Variants in MPO observed in about 807,000 individuals in gnomAD.
MPO encodes myeloperoxidase.
Under a neutral mutation model 69.4 loss-of-function variants are expected in MPO, and 57 were observed. That is an observed-to-expected ratio of 0.82 (90% confidence interval 0.66 to 1.02). The LOEUF is 1.02. Ranked by LOEUF, MPO falls within the 50% of genes least tolerant of loss-of-function variation. The pLI, the probability that MPO is intolerant of heterozygous loss-of-function variation, is 0.00. For missense variants in MPO, 971 were observed against 1,014.1 expected, an observed-to-expected ratio of 0.96 and a Z score of 0.58; for synonymous variants, 426 against 417.1, an observed-to-expected ratio of 1.02 and a Z score of -0.26.
rs142034772 is a variant in MPO at position 58,273,468 on chromosome 17, G to A, written c.1567C>T (p.Pro523Ser). The change falls in exon 9 of 12, where the codon CCC becomes TCC. Residue 523 changes from proline to serine, a missense_variant. Physicochemically the swap from Pro to Ser is moderately conservative, Grantham distance 74. Coordinates refer to ENST00000225275, the MANE Select transcript of MPO (RefSeq NM_000250.2). ...AAGACCCTGCTGAGGGGGACACGGG[G>A]GTTGGGTTCCATGGGCTGGTACCGA... ...DNRYQPMEPNPRVPLSRVFFA... is the reference protein window; with the variant it reads ...DNRYQPMEPNSRVPLSRVFFA... 8.7e-5 allele frequency: 140 copies of A among 1,610,680 alleles called. No homozygotes were observed. The African/African-American group carries it at 1.7e-3, about 19-fold the overall frequency.
In MPO at chr17:58,271,861, G is replaced by C. The variant is rs569034063; in HGVS notation, c.1824C>G (p.Leu608=). The change falls in exon 11 of 12, where the codon CTC becomes CTG. Residue 608 remains leucine (L), a synonymous_variant. Coordinates refer to ENST00000225275, the MANE Select transcript of MPO (RefSeq NM_000250.2). ...GCTGGCCCACAGTTTCAGGCTGCGG[G>C]AGCCCACAGAAGCGCCTCCAGGCAT... ...GYNAWRRFCG[L]PQPETVGQLG... is the part of the protein sequence containing the mutation. 1 of 1,614,144 alleles carries C rather than the reference G, an allele frequency of 6.2e-7. No homozygotes were observed. The highest frequency in any genetic ancestry group is 8.5e-7 in the Non-Finnish European group (1 of 1,180,034).
Position 58,279,903 on chromosome 17 carries a change from G to C in MPO, c.360C>G (p.His120Gln), listed in dbSNP as rs1202339416. 1 of 1,614,112 alleles carries C rather than the reference G, an allele frequency of 6.2e-7. No homozygotes were observed. Among genetic ancestry groups the C allele is most frequent in the African/African-American group, 1.3e-5 (1 of 75,054 alleles). The stretch of plus-strand genomic sequence containing the variant: ...TCCTCTCCAGCAGGTCTAGAGCCAC[G>C]TGCAGGTAGTCAGCGGCCCTCACCG... ...RTAVRAADYL[H>Q]VALDLLERKL... Residue 120 changes from histidine to glutamine, a missense_variant, in exon 3 of 12, where the codon CAC becomes CAG. Physicochemically the swap from His to Gln is conservative, Grantham distance 24 (BLOSUM62 0). Transcript: ENST00000225275.
chr17:58,274,070 C>A, intron 8 of MPO: 1 of 436,814 alleles, frequency 2.3e-6, no homozygotes, highest in Non-Finnish European at 4.6e-6. Flanking sequence ...TCCTTGAGAG[C>A]AAGGGAAATT....
chr17:58,272,445 C>T (rs911411149), intron 10 of MPO, among the ~76,000 whole-genome samples: 1 of 152,158 alleles, frequency 6.6e-6, no homozygotes, highest in Admixed American at 6.5e-5. Context: ...CCAGAGTTAA[C>T]GTACAATGAA....
At chr17:58,280,294 C>T (rs1475645267) in intron 2 of MPO, 72 bp downstream of exon 2, 51 of 1,503,928 alleles carry the variant, frequency 3.4e-5, no homozygotes, top group Non-Finnish European at 3.9e-5. Context: ...CTTCAAGCTC[C>T]CTGCTGCCTG....
At chr17:58,279,674 C>T (rs1970488274) in intron 3 of MPO, 28 bp from the exon 4 acceptor site, 1 of 1,614,002 alleles carries the variant, frequency 6.2e-7, no homozygotes, top group Non-Finnish European at 8.5e-7. Context: ...AATGGGGGAG[C>T]TGAGCCGCCT....
chr17:58,276,856 C>A (rs1970444762), intron 7 of MPO, among the ~76,000 whole-genome samples: 1 of 152,098 alleles, frequency 6.6e-6, no homozygotes, highest in Admixed American at 6.5e-5. Flanking sequence ...CACCTGTAAT[C>A]CCAGCACTTT....
In MPO at chr17:58,279,882, C is replaced by G. The variant is rs369052644; in HGVS notation, c.381G>C (p.Glu127Asp). The change falls in exon 3 of 12, where the codon GAG becomes GAC. Residue 127 changes from glutamate to aspartate, a missense_variant. Physicochemically the swap from Glu to Asp is conservative, Grantham distance 45. Transcript: ENST00000225275. ...DYLHVALDLL[E>D]RKLRSLWRRP... ...TTCGCCACAGGGACCGCAGCTTCCT[C>G]TCCAGCAGGTCTAGAGCCACGTGCA... 142 of 1,613,996 alleles carry G rather than the reference C, an allele frequency of 8.8e-5. No homozygotes were observed. The highest frequency in any genetic ancestry group is 1.2e-4 in the Non-Finnish European group (139 of 1,180,046).
intron 7 of MPO, among the ~76,000 whole-genome samples, chr17:58,277,281 G>A (rs1255178083): frequency 6.6e-6 from 1 of 152,206 alleles, no homozygotes; most frequent in Non-Finnish European, 1.5e-5. Context: ...AACCTTCCGA[G>A]ATGATGAAAA....
In MPO at chr17:58,279,291, G is replaced by T; in HGVS notation, c.678+6C>A. 1 of 1,563,356 alleles carries T rather than the reference G, an allele frequency of 6.4e-7. No homozygotes were observed. Among genetic ancestry groups the T allele is most frequent in the South Asian group, 1.2e-5 (1 of 85,978 alleles). On this transcript the variant is annotated splice_donor_region_variant and intron_variant, in intron 5 of 11. Transcript: ENST00000225275. ...GGCCTCGCCCCCTCTGCCCGCCGGC[G>T]CTCACCAGAGCCACCGGGAAGCCGT... is the stretch of plus-strand genomic sequence containing the variant.
In MPO at chr17:58,279,284, C is replaced by A; in HGVS notation, c.678+13G>T. The A allele has an allele frequency of 6.4e-7, 1 of 1,562,584 alleles. No homozygotes were observed. Among genetic ancestry groups the A allele is most frequent in the South Asian group, 1.2e-5 (1 of 85,850 alleles). ...GTGGCCGGGCCTCGCCCCCTCTGCCCGCCGGCGCTCACCAGAGCCACCGGG... is the reference window on the plus strand; with the variant it reads ...GTGGCCGGGCCTCGCCCCCTCTGCCAGCCGGCGCTCACCAGAGCCACCGGG... On this transcript the variant is annotated intron_variant, in intron 5 of 11. Transcript: ENST00000225275.
At position 58,277,858 on chromosome 17, in the gene MPO, G is replaced by C; in HGVS notation, c.1173C>G (p.Asn391Lys). ...NLHDDPCLLT[N>K]RSARIPCFLA... ...GGAAGCAGGGGATGCGCGCTGAGCG[G>C]TTGGTGAGGAGACAGGGGTCATCGT... Residue 391 changes from asparagine to lysine, a missense_variant, in exon 7 of 12, where the codon AAC becomes AAG. By Grantham distance (94) the Asn-to-Lys change is moderately conservative. Coordinates refer to ENST00000225275, the MANE Select transcript of MPO (RefSeq NM_000250.2). 1 of 1,606,982 alleles carries C rather than the reference G, an allele frequency of 6.2e-7. No individual in the cohort carries two copies. The highest frequency in any genetic ancestry group is 8.5e-7 in the Non-Finnish European group (1 of 1,180,010).
At position 58,279,881 on chromosome 17, in the gene MPO, T is replaced by C. The variant is rs755485225; in HGVS notation, c.382A>G (p.Arg128Gly). 103 of 1,613,932 alleles carry C rather than the reference T, an allele frequency of 6.4e-5. No homozygotes were observed. Among genetic ancestry groups the C allele is most frequent in the Non-Finnish European group, 7.8e-5 (92 of 1,180,024 alleles). ...YLHVALDLLERKLRSLWRRPF... is the reference protein window; with the variant it reads ...YLHVALDLLEGKLRSLWRRPF... Reference sequence around the variant, plus strand: ...CTTCGCCACAGGGACCGCAGCTTCCTCTCCAGCAGGTCTAGAGCCACGTGC... The same window carrying C: ...CTTCGCCACAGGGACCGCAGCTTCCCCTCCAGCAGGTCTAGAGCCACGTGC... Residue 128 changes from arginine to glycine, a missense_variant, in exon 3 of 12, where the codon AGG becomes GGG. Arg to Gly is a moderately radical substitution (Grantham distance 125). Transcript: ENST00000225275.
At chr17:58,278,676 G>A (rs1199702414) in intron 6 of MPO, among the ~76,000 whole-genome samples, 2 of 152,142 alleles carry the variant, frequency 1.3e-5, no homozygotes, top group Non-Finnish European at 2.9e-5. Context: ...GGGGGGCACT[G>A]AGAAGGTCTC....
intron 2 of MPO, 162 bp from the exon 3 acceptor site, chr17:58,280,176 G>A: frequency 9.4e-7 from 1 of 1,065,044 alleles, no homozygotes; most frequent in Non-Finnish European, 1.4e-6. Context: ...CCAGACAGAG[G>A]CAAGGCTTTG....
At chr17:58,274,086 T>C in intron 8 of MPO, 1 of 443,978 alleles carries the variant, frequency 2.3e-6, no homozygotes. Context: ...AAATTGAAGT[T>C]GTTGAAATTC....
rs759645020 is a variant in MPO, at chr17:58,280,376, G to A, written c.238C>T (p.Arg80Trp). Residue 80 changes from arginine to tryptophan, a missense_variant, in exon 2 of 12, where the codon CGG becomes TGG. Coordinates refer to ENST00000225275, the MANE Select transcript of MPO (RefSeq NM_000250.2). Reference protein sequence around the residue: ...KQLVDKAYKERRESIKQRLRS... With the variant: ...KQLVDKAYKEWRESIKQRLRS... ...TGCCTCGTGCCCCACCTTTCCCGCC[G>A]CTCCTTGTAGGCCTTGTCCACCAGC... 60 of 1,613,858 alleles carry A rather than the reference G, an allele frequency of 3.7e-5. No homozygotes were observed. The highest frequency in any genetic ancestry group is 5.0e-5 in the Admixed American group (3 of 60,004).
intron 7 of MPO, 182 bp downstream of exon 7, chr17:58,277,645 C>T (rs1185187428): frequency 4.5e-6 from 4 of 893,072 alleles, no homozygotes; most frequent in East Asian, 5.3e-5. Context: ...TGCTTTTCTG[C>T]TTTTCTGGCT....
Position 58,273,265 on chromosome 17 carries a change from G to C in MPO, c.1621+149C>G, listed in dbSNP as rs1970389550. 2.3e-6 allele frequency: 3 copies of C among 1,279,948 alleles called. No homozygotes were observed. In the African/African-American group the frequency reaches 4.4e-5, roughly 19 times the overall value. 79.3% of individuals were successfully genotyped at this position (1,279,948 alleles called of 1,614,324 possible). A position where few individuals can be genotyped will look rare whatever the true frequency, so the allele number is the denominator to read the frequency against. ...GTTTATTATCAGATATGGAAGCAGA[G>C]TCAGAGGAACTGAGGCTAGAGAGTC... On this transcript the variant is annotated intron_variant, in intron 9 of 11. Transcript: ENST00000225275.
Sources: gnomAD v4.1 joint callset for allele counts (sites outside exome capture counted in the v4.1 genomes callset) on GRCh38, gnomAD v4.1.1 for gene constraint, MANE v1.5 for transcripts, NCBI Gene and HGNC (gene_info 2026-07-23, HGNC 2026-07-21) for gene names.